Variants in HMGXB3 observed in about 807,000 individuals in gnomAD.
HMGXB3 encodes the protein HMG domain-containing protein 3.
In HMGXB3, 45 loss-of-function variants were observed where a neutral mutation model predicts 121.5. The ratio of observed to expected loss-of-function variants is 0.37; its 90% confidence interval spans 0.29 to 0.47. HMGXB3 has a LOEUF of 0.47. Ranked by LOEUF, HMGXB3 falls within the 20% of genes least tolerant of loss-of-function variation. The probability of loss-of-function intolerance (pLI) is 0.99; values close to 1 mark genes in which losing one functional copy is unlikely to be tolerated. For synonymous variants in HMGXB3, 590 were observed against 624.1 expected, an observed-to-expected ratio of 0.95 and a Z score of 0.81; for missense variants, 1,376 against 1,602.2, an observed-to-expected ratio of 0.86 and a Z score of 2.41.
In HMGXB3 at chr5:150,026,684, TTTCTC is replaced by T. The variant is rs1756237868; in HGVS notation, c.1461-17_1461-13del. ...TTCCCTTTGTTCCAGAATTTCCAGA[TTTCTC>T]TTCTTATTCTTTTCAGAGCTGACCT... On this transcript the variant is annotated splice_polypyrimidine_tract_variant and intron_variant, in intron 7 of 19. Coordinates refer to ENST00000502717, the MANE Select transcript of HMGXB3 (RefSeq NM_014983.3). 1 of 1,538,734 alleles carries T rather than the reference TTTCTC, an allele frequency of 6.5e-7. No homozygotes were observed. Among genetic ancestry groups the T allele is most frequent in the Non-Finnish European group, 8.8e-7 (1 of 1,142,430 alleles).
chr5:150,012,746 G>T (rs1262054782), intron 5 of HMGXB3, among the ~76,000 whole-genome samples: 2 of 152,202 alleles, frequency 1.3e-5, no homozygotes, highest in Non-Finnish European at 2.9e-5. Flanking sequence ...GAAAGGACTT[G>T]TTCAAGGTTA....
At chr5:150,027,710 G>A (rs966963026) in intron 9 of HMGXB3, among the ~76,000 whole-genome samples, 6 of 152,052 alleles carry the variant, frequency 3.9e-5, no homozygotes, top group Non-Finnish European at 8.8e-5. Context: ...ACACCACCAC[G>A]CCCGGCTAAC....
chr5:150,011,594 T>A (rs6579766), intron 4 of HMGXB3, among the ~76,000 whole-genome samples: 17 of 147,402 alleles, frequency 1.2e-4, no homozygotes, highest in African/African-American at 3.9e-4. Flanking sequence ...TTGTTGGTTG[T>A]TTTTTTTTGG....
At chr5:150,047,476 G>A (rs530670066) in intron 16 of HMGXB3, 148 bp from the exon 17 acceptor site, 35 of 825,618 alleles carry the variant, frequency 4.2e-5, no homozygotes, top group East Asian at 2.4e-4. Flanking sequence ...TGCAGAAAGC[G>A]TGGACCTGAC....
chr5:150,026,944 G>T, intron 8 of HMGXB3, 63 bp downstream of exon 8: 1 of 1,526,102 alleles, frequency 6.6e-7, no homozygotes, highest in Non-Finnish European at 8.8e-7. Context: ...AGGAGTGGGG[G>T]GTTGAGAACG....
At chr5:150,006,429 A>G (rs985094107) in intron 2 of HMGXB3, 44 bp from the exon 3 acceptor site, 2 of 1,519,184 alleles carry the variant, frequency 1.3e-6, no homozygotes, top group Non-Finnish European at 1.8e-6. Context: ...TTCTGCCAGC[A>G]TTGCCATTAC....
intron 13 of HMGXB3, among the ~76,000 whole-genome samples, chr5:150,039,158 A>G (rs1484058003): frequency 6.6e-6 from 1 of 152,200 alleles, no homozygotes; most frequent in Non-Finnish European, 1.5e-5. Flanking sequence ...TAAACTGTAG[A>G]GTCAGCTTGT....
chr5:150,044,318 G>A (rs1210568559), intron 15 of HMGXB3, among the ~76,000 whole-genome samples: 2 of 152,180 alleles, frequency 1.3e-5, no homozygotes, highest in African/African-American at 4.8e-5. Context: ...TTGTGTACTG[G>A]GTTGGCATTT....
intron 15 of HMGXB3, among the ~76,000 whole-genome samples, chr5:150,044,341 C>A (rs1756706070): frequency 6.6e-6 from 1 of 152,198 alleles, no homozygotes; most frequent in African/African-American, 2.4e-5. Flanking sequence ...TGTTCCCTTG[C>A]TCCTTGTGGA....
intron 6 of HMGXB3, among the ~76,000 whole-genome samples, chr5:150,023,823 C>T (rs754660661): frequency 1.3e-5 from 2 of 152,192 alleles, no homozygotes; most frequent in Non-Finnish European, 2.9e-5. Flanking sequence ...CATGAGGTTG[C>T]GGCCACATTG....
rs1475394626 is a variant in HMGXB3 at position 150,013,075 on chromosome 5, C to G, written c.909+722C>G. ...TTATATGTCCTTTCTGATTTGAATT[C>G]CTTCTTTTTCTTGCCTTATGATATT... On this transcript the variant is annotated intron_variant, in intron 5 of 19. Transcript: ENST00000502717. Among the ~76,000 whole-genome samples the G allele has an allele frequency of 2.0e-5, 3 of 152,244 alleles. No individual in the cohort carries two copies. The East Asian group carries it at 5.8e-4, about 29-fold the overall frequency.
intron 19 of HMGXB3, 65 bp from the exon 20 acceptor site, chr5:150,051,660 G>T: frequency 7.7e-7 from 1 of 1,305,256 alleles, no homozygotes; most frequent in South Asian, 1.4e-5. Flanking sequence ...GAGTGTTCTC[G>T]TCACCAGATG....
At chr5:150,007,785 T>C (rs752561192) in intron 3 of HMGXB3, among the ~76,000 whole-genome samples, 4 of 152,156 alleles carry the variant, frequency 2.6e-5, no homozygotes, top group Non-Finnish European at 4.4e-5. Flanking sequence ...CTGGGTGTGG[T>C]AGCTCATGCC....
At chr5:150,017,183 A>G (rs1161684177) in intron 5 of HMGXB3, among the ~76,000 whole-genome samples, 3 of 152,250 alleles carry the variant, frequency 2.0e-5, no homozygotes, top group South Asian at 2.1e-4. Context: ...TTTTTTTCCT[A>G]AAGTCATTTC....
chr5:150,031,833 C>T (rs1305197780), intron 10 of HMGXB3, among the ~76,000 whole-genome samples: 1 of 152,088 alleles, frequency 6.6e-6, no homozygotes, highest in Non-Finnish European at 1.5e-5. Context: ...TAATGTCTGG[C>T]CTGACCTGAT....
At chr5:150,019,301 A>C (rs2113735980) in intron 6 of HMGXB3, among the ~76,000 whole-genome samples, 1 of 152,242 alleles carries the variant, frequency 6.6e-6, no homozygotes, top group Middle Eastern at 3.4e-3. Context: ...CTGTATCTAT[A>C]TGTCTTTAAC....
intron 3 of HMGXB3, 106 bp from the exon 4 acceptor site, chr5:150,010,005 A>G (rs1477009912): frequency 3.2e-6 from 4 of 1,239,856 alleles, no homozygotes; most frequent in Non-Finnish European, 4.4e-6. Flanking sequence ...TCCCTTTTGC[A>G]GGAAAAAAAA....
At chr5:150,030,917 G>A in intron 10 of HMGXB3, 78 bp downstream of exon 10, 1 of 1,020,940 alleles carries the variant, frequency 9.8e-7, no homozygotes, top group Non-Finnish European at 1.5e-6. Context: ...TAGGAGGCTG[G>A]GGGAGAGGGT....
At chr5:150,031,644 G>C (rs1191618182) in intron 10 of HMGXB3, among the ~76,000 whole-genome samples, 1 of 152,226 alleles carries the variant, frequency 6.6e-6, no homozygotes, top group Non-Finnish European at 1.5e-5. Context: ...TAGCTGATTT[G>C]ATTAAGATGA....
Sources: allele counts gnomAD v4.1 joint callset (sites outside exome capture counted in the v4.1 genomes callset), GRCh38; gene constraint gnomAD v4.1.1; transcripts MANE v1.5; gene names NCBI Gene and HGNC (gene_info 2026-07-23, HGNC 2026-07-21).